Variants in ZNF609 observed in about 807,000 individuals in gnomAD.
ZNF609 encodes zinc finger protein 609.
In ZNF609, 11 loss-of-function variants were observed where a neutral mutation model predicts 109.5. That is an observed-to-expected ratio of 0.10 (90% CI 0.06 to 0.17). The LOEUF (loss-of-function observed/expected upper bound fraction) is 0.17, where lower values mean the gene tolerates loss of function less well. ZNF609 is among the 10% of genes least tolerant of loss of function. ZNF609 has a pLI of 1.00. For synonymous variants in ZNF609, 646 were observed against 662.0 expected, an observed-to-expected ratio of 0.98 and a Z score of 0.37; for missense variants, 1,559 against 1,772.4, an observed-to-expected ratio of 0.88 and a Z score of 2.16.
intron 2 of ZNF609, among the ~76,000 whole-genome samples, chr15:64,578,275 A>G (rs1400377253): frequency 5.3e-5 from 8 of 152,040 alleles, no homozygotes; most frequent in Non-Finnish European, 1.2e-4. Flanking sequence ...ACATTACTGA[A>G]TGATCTTGCT....
intron 3 of ZNF609, among the ~76,000 whole-genome samples, chr15:64,634,634 T>G (rs1320758624): frequency 6.6e-6 from 1 of 152,190 alleles, no homozygotes; most frequent in African/African-American, 2.4e-5. Context: ...CCCCTTCACC[T>G]TCAGTCTTGC....
At chr15:64,471,372 A>G (rs1893088908) in intron 1 of ZNF609, 1 of 151,850 alleles carries the variant, frequency 6.6e-6, no homozygotes, top group Admixed American at 6.6e-5. Context: ...AAAAAAAAAA[A>G]AAAATTCTAT....
At chr15:64,484,993 A>G (rs1271936431) in intron 1 of ZNF609, among the ~76,000 whole-genome samples, 2 of 152,216 alleles carry the variant, frequency 1.3e-5, no homozygotes, top group African/African-American at 4.8e-5. Flanking sequence ...GAAAGAAACT[A>G]GGAATCTTGG....
chr15:64,476,003 A>G (rs573070518), intron 1 of ZNF609, among the ~76,000 whole-genome samples: 1 of 152,322 alleles, frequency 6.6e-6, no homozygotes, highest in East Asian at 1.9e-4. Context: ...AGATTCAAGG[A>G]CAAGCATTTG....
chr15:64,618,500 C>G (rs1290541860), intron 2 of ZNF609, among the ~76,000 whole-genome samples: 1 of 152,154 alleles, frequency 6.6e-6, no homozygotes, highest in African/African-American at 2.4e-5. Flanking sequence ...GAACAGAGGG[C>G]TTTCTGTATC....
At chr15:64,486,326 C>G (rs1187868995) in intron 1 of ZNF609, among the ~76,000 whole-genome samples, 2 of 152,070 alleles carry the variant, frequency 1.3e-5, no homozygotes, top group Non-Finnish European at 2.9e-5. Flanking sequence ...GAGTTCGAGA[C>G]AAGCCTACCC....
chr15:64,552,201 A>G (rs1184608227), intron 2 of ZNF609, among the ~76,000 whole-genome samples: 4 of 152,158 alleles, frequency 2.6e-5, no homozygotes, highest in Non-Finnish European at 5.9e-5. Flanking sequence ...TGCTTTCGTT[A>G]ATGGGTCATG....
rs373154384 is a variant in ZNF609 at position 64,675,799 on chromosome 15, C to T, written c.2945C>T (p.Pro982Leu). 1.9e-6 allele frequency: 3 copies of T among 1,614,204 alleles called. No individual in the cohort carries two copies. Among genetic ancestry groups the T allele is most frequent in the South Asian group, 1.1e-5 (1 of 91,078 alleles). The change falls in exon 5 of 10, where the codon CCC becomes CTC. Residue 982 changes from proline to leucine, a missense_variant. This residue lies in a region of ZNF609 where 1,204 missense variants were observed against 1,314.1 expected (regional missense o/e 0.92). Coordinates refer to ENST00000326648, the MANE Select transcript of ZNF609 (RefSeq NM_015042.2). ...TACAACCAGTATGCCTATGTACCCC[C>T]CTATGGCTACAGCGACCAGAGTTAC... is the stretch of plus-strand genomic sequence containing the variant. ...LYYNQYAYVP[P>L]YGYSDQSYHT...
At chr15:64,578,668 G>A (rs142735498) in intron 2 of ZNF609, among the ~76,000 whole-genome samples, 27 of 152,232 alleles carry the variant, frequency 1.8e-4, no homozygotes, top group African/African-American at 6.3e-4. Context: ...CTCTAGCCTG[G>A]GCGACGGAAC....
chr15:64,546,912 T>C (rs1894373965), intron 2 of ZNF609, among the ~76,000 whole-genome samples: 2 of 151,736 alleles, frequency 1.3e-5, no homozygotes, highest in Non-Finnish European at 2.9e-5. Context: ...TGCCTCAGCT[T>C]CCCGAGTAGC....
chr15:64,638,587 G>A (rs1425359599), intron 3 of ZNF609, among the ~76,000 whole-genome samples: 1 of 151,992 alleles, frequency 6.6e-6, no homozygotes, highest in Non-Finnish European at 1.5e-5. Flanking sequence ...TATCATTTAG[G>A]GATCTTGTTT....
chr15:64,648,411 G>C (rs1160820572), intron 3 of ZNF609, among the ~76,000 whole-genome samples: 1 of 152,156 alleles, frequency 6.6e-6, no homozygotes, highest in Non-Finnish European at 1.5e-5. Flanking sequence ...AGGACTTCTT[G>C]AGGCCAGAAG....
chr15:64,485,655 A>G (rs988652678), intron 1 of ZNF609, among the ~76,000 whole-genome samples: 2 of 151,918 alleles, frequency 1.3e-5, no homozygotes, highest in African/African-American at 4.8e-5. Flanking sequence ...TTTTTTTTAA[A>G]TTCACTGGGC....
chr15:64,461,159 C>T (rs1352586216), intron 1 of ZNF609, among the ~76,000 whole-genome samples: 1 of 130,782 alleles, frequency 7.6e-6, no homozygotes, highest in Non-Finnish European at 1.6e-5. Flanking sequence ...GTTTCTGAGG[C>T]GAGTCTGGGT....
At chr15:64,515,092 AAAT>A (rs1458995974) in intron 2 of ZNF609, among the ~76,000 whole-genome samples, 2 of 152,218 alleles carry the variant, frequency 1.3e-5, no homozygotes, top group African/African-American at 2.4e-5. Context: ...TCTCAAATAA[AAAT>A]AACCAGGAAA....
intron 3 of ZNF609, among the ~76,000 whole-genome samples, chr15:64,650,560 T>C (rs1567039376): frequency 6.6e-6 from 1 of 152,202 alleles, no homozygotes; most frequent in Non-Finnish European, 1.5e-5. Context: ...AGATTAACAT[T>C]AGAAGAAGGT....
chr15:64,644,641 T>G (rs2140992578), intron 3 of ZNF609, among the ~76,000 whole-genome samples: 1 of 152,320 alleles, frequency 6.6e-6, no homozygotes, highest in Non-Finnish European at 1.5e-5. Flanking sequence ...TGCAGAAAAC[T>G]TATAAAATGG....
intron 2 of ZNF609, among the ~76,000 whole-genome samples, chr15:64,558,415 G>C (rs1894625039): frequency 6.6e-6 from 1 of 152,180 alleles, no homozygotes; most frequent in African/African-American, 2.4e-5. Context: ...GTGGTTGGGA[G>C]AGTTATTAGG....
chr15:64,653,473 C>T (rs972038327), intron 3 of ZNF609, among the ~76,000 whole-genome samples: 1 of 152,120 alleles, frequency 6.6e-6, no homozygotes, highest in African/African-American at 2.4e-5. Context: ...GGTGAAACCC[C>T]ATCTCTACTA....
Sources: allele counts gnomAD v4.1 joint callset (sites outside exome capture counted in the v4.1 genomes callset), GRCh38; gene constraint gnomAD v4.1.1; regional missense constraint gnomAD v4.1.1; transcripts MANE v1.5; gene names NCBI Gene and HGNC (gene_info 2026-07-23, HGNC 2026-07-21).